CNTNAP4: variants seen among roughly 807,000 people sequenced by gnomAD.
The protein encoded by CNTNAP4 is contactin associated protein family member 4.
Under a neutral mutation model 148.4 loss-of-function variants are expected in CNTNAP4, and 98 were observed. The observed-to-expected ratio is 0.66, with a 90% CI of 0.56 to 0.78. The LOEUF is 0.78. CNTNAP4 is among the 30% of genes least tolerant of loss of function. CNTNAP4 has a pLI of 0.00. For synonymous variants in CNTNAP4, 730 were observed against 565.1 expected, an observed-to-expected ratio of 1.29 and a Z score of -4.14; for missense variants, 1,935 against 1,565.6, an observed-to-expected ratio of 1.24 and a Z score of -3.98.
chr16:76,341,005 T>C (rs1001722075), intron 2 of CNTNAP4, among the ~76,000 whole-genome samples: 6 of 152,234 alleles, frequency 3.9e-5, no homozygotes, highest in African/African-American at 1.4e-4. Context: ...TGACACTTTA[T>C]ATTTTTTGCT....
chr16:76,361,639 T>C (rs892078313), intron 3 of CNTNAP4, among the ~76,000 whole-genome samples: 5 of 152,272 alleles, frequency 3.3e-5, no homozygotes, highest in African/African-American at 4.8e-5. Context: ...AGATGTCTCT[T>C]TGAGATCCTG....
At chr16:76,406,030 A>C (rs2078588817) in intron 3 of CNTNAP4, among the ~76,000 whole-genome samples, 1 of 152,094 alleles carries the variant, frequency 6.6e-6, no homozygotes, top group Non-Finnish European at 1.5e-5. Flanking sequence ...ATCCTGAGCA[A>C]CATGGTGAAA....
At chr16:76,486,793 C>T (rs1392737157) in intron 12 of CNTNAP4, among the ~76,000 whole-genome samples, 1 of 152,100 alleles carries the variant, frequency 6.6e-6, no homozygotes, top group Non-Finnish European at 1.5e-5. Context: ...AGAGAGTGTG[C>T]CAGGCACCCT....
At chr16:76,538,871 T>A (rs549331615) in intron 19 of CNTNAP4, among the ~76,000 whole-genome samples, 1 of 152,190 alleles carries the variant, frequency 6.6e-6, no homozygotes, top group South Asian at 2.1e-4. Flanking sequence ...GAAATGTGTT[T>A]CCTACAGAAA....
intron 2 of CNTNAP4, among the ~76,000 whole-genome samples, chr16:76,341,312 G>T (rs1215693360): frequency 6.6e-6 from 1 of 152,096 alleles, no homozygotes; most frequent in African/African-American, 2.4e-5. Context: ...TGTCTAGATG[G>T]TGTTCCATTG....
chr16:76,557,106 TA>T lies in CNTNAP4; in HGVS notation c.3734-1383del, dbSNP rs1405648165. Among the ~76,000 whole-genome samples the T allele has an allele frequency of 2.6e-5, 4 of 152,350 alleles. No individual in the cohort carries two copies. The South Asian group carries it at 6.2e-4, about 24-fold the overall frequency. ...GTCTTAAGAAAATGACATTAGTTTG[TA>T]CCTTCACTGATCTTATCAGAAAATT... is the stretch of plus-strand genomic sequence containing the variant. On this transcript the variant is annotated intron_variant, in intron 23 of 23. Transcript: ENST00000611870.
intron 2 of CNTNAP4, among the ~76,000 whole-genome samples, chr16:76,327,880 A>T (rs373399612): frequency 8.6e-5 from 13 of 151,944 alleles, no homozygotes; most frequent in South Asian, 6.2e-4. Flanking sequence ...TTGTAGTTTC[A>T]TCCAAGTCAA....
Position 76,553,844 on chromosome 16 carries a change from G to A in CNTNAP4, c.3670G>A (p.Gly1224Arg). The A allele has an allele frequency of 6.2e-7, 1 of 1,610,160 alleles. No homozygotes were observed. Among genetic ancestry groups the A allele is most frequent in the Non-Finnish European group, 8.5e-7 (1 of 1,176,912 alleles). Residue 1224 changes from glycine (G) to arginine (R), a missense_variant, in exon 23 of 24, where the codon GGA becomes AGA. Transcript: ENST00000611870. ...ERTHSFADHS[G>R]TIDDREPLAN... is the part of the protein sequence containing the mutation. ...TTGTGCTTTAACTGCAGATCATTCT[G>A]GAACAATAGATGACAGAGAGCCCCT...
At chr16:76,499,063 C>G (rs2082522377) in intron 15 of CNTNAP4, among the ~76,000 whole-genome samples, 1 of 105,598 alleles carries the variant, frequency 9.5e-6, no homozygotes, top group African/African-American at 3.4e-5. Flanking sequence ...TCTTTTACCA[C>G]AATTTTTTTT....
intron 10 of CNTNAP4, 96 bp downstream of exon 10, chr16:76,467,619 C>A: frequency 2.0e-6 from 2 of 1,004,084 alleles, no homozygotes; most frequent in Non-Finnish European, 1.4e-6. Flanking sequence ...TCCTCTTCCC[C>A]ATTCTTATCT....
At chr16:76,399,684 TATC>T (rs1421019300) in intron 3 of CNTNAP4, among the ~76,000 whole-genome samples, 2 of 152,302 alleles carry the variant, frequency 1.3e-5, no homozygotes, top group Non-Finnish European at 2.9e-5. Flanking sequence ...ATATGTAACA[TATC>T]ATTAAAAACT....
intron 1 of CNTNAP4, among the ~76,000 whole-genome samples, chr16:76,301,936 C>T (rs1960012072): frequency 6.6e-6 from 1 of 152,104 alleles, no homozygotes; most frequent in Non-Finnish European, 1.5e-5. Context: ...TTAGCATGAT[C>T]TGAGGGTGGA....
At chr16:76,285,080 C>T (rs773968364) in intron 1 of CNTNAP4, among the ~76,000 whole-genome samples, 19 of 151,984 alleles carry the variant, frequency 1.3e-4, no homozygotes, top group Admixed American at 1.3e-4. Context: ...ACATGCCAAA[C>T]GCATTACAAG....
chr16:76,465,908 G>C (rs1423089976), intron 9 of CNTNAP4, among the ~76,000 whole-genome samples: 6 of 152,240 alleles, frequency 3.9e-5, no homozygotes, highest in Non-Finnish European at 7.4e-5. Flanking sequence ...CCATGTAAAT[G>C]TATTTTGTCA....
chr16:76,386,569 G>A (rs150543350), intron 3 of CNTNAP4, among the ~76,000 whole-genome samples: 18 of 152,172 alleles, frequency 1.2e-4, no homozygotes, highest in African/African-American at 3.6e-4. Context: ...TCTTATTTAC[G>A]TTAATTTTCC....
chr16:76,466,489 C>G (rs776792868), intron 9 of CNTNAP4, among the ~76,000 whole-genome samples: 1 of 152,026 alleles, frequency 6.6e-6, no homozygotes, highest in East Asian at 1.9e-4. Flanking sequence ...ACTTTGCATG[C>G]CTGTTTCAAA....
intron 12 of CNTNAP4, among the ~76,000 whole-genome samples, chr16:76,484,203 A>C (rs1472983692): frequency 1.4e-5 from 2 of 139,452 alleles, no homozygotes; most frequent in Non-Finnish European, 3.0e-5. Flanking sequence ...AGAGAGAACA[A>C]ATTCCATGTT....
intron 3 of CNTNAP4, among the ~76,000 whole-genome samples, chr16:76,424,396 A>G (rs896457306): frequency 6.6e-6 from 1 of 152,188 alleles, no homozygotes; most frequent in African/African-American, 2.4e-5. Flanking sequence ...AATCAAAAGT[A>G]TAAGAAGATC....
chr16:76,323,442 A>G (rs1962639943), intron 2 of CNTNAP4, among the ~76,000 whole-genome samples: 2 of 152,204 alleles, frequency 1.3e-5, no homozygotes, highest in African/African-American at 4.8e-5. Context: ...CTAATAAATT[A>G]TATTTTGTAT....
Sources: gnomAD v4.1 joint callset for allele counts (sites outside exome capture counted in the v4.1 genomes callset) on GRCh38, gnomAD v4.1.1 for gene constraint, MANE v1.5 for transcripts, NCBI Gene and HGNC (gene_info 2026-07-23, HGNC 2026-07-21) for gene names.